SMURF1: variants seen among roughly 807,000 people sequenced by gnomAD.
SMURF1 encodes the protein E3 ubiquitin-protein ligase SMURF1.
SMURF1 carries 44 observed loss-of-function variants against 98.0 expected under a neutral mutation model. That is an observed-to-expected ratio of 0.45 (90% CI 0.35 to 0.58). SMURF1 has a LOEUF of 0.58. Ranked by LOEUF, SMURF1 falls within the 20% of genes least tolerant of loss-of-function variation. SMURF1 has a pLI of 0.00. For missense variants in SMURF1, 687 were observed against 938.4 expected (o/e 0.73, Z 3.50); for synonymous variants, 396 against 374.9 (o/e 1.06, Z -0.65).
At chr7:99,062,387 C>T (rs1004390544) in intron 1 of SMURF1, among the ~76,000 whole-genome samples, 12 of 152,052 alleles carry the variant, frequency 7.9e-5, no homozygotes, top group African/African-American at 2.9e-4. Context: ...TTACAGGTAC[C>T]GCTAATGACA....
chr7:99,049,494 A>T (rs1795686822), intron 9 of SMURF1, 69 bp downstream of exon 9: 2 of 1,483,892 alleles, frequency 1.3e-6, no homozygotes, highest in South Asian at 2.5e-5. Context: ...AATTCACAAA[A>T]ATACCAGTCC....
intron 3 of SMURF1, among the ~76,000 whole-genome samples, chr7:99,060,391 A>AG (rs1484897797): frequency 6.6e-6 from 1 of 151,716 alleles, no homozygotes; most frequent in African/African-American, 2.4e-5. Context: ...AAAAAAAAAA[A>AG]AAAAAAGAAA....
At chr7:99,056,786 C>T (rs1027552396) in intron 5 of SMURF1, among the ~76,000 whole-genome samples, 10 of 152,070 alleles carry the variant, frequency 6.6e-5, no homozygotes, top group South Asian at 2.1e-4. Flanking sequence ...GCAGATCACT[C>T]GAGGTCAGGA....
intron 1 of SMURF1, among the ~76,000 whole-genome samples, chr7:99,127,913 G>A (rs1289473931): frequency 4.6e-5 from 7 of 152,148 alleles, no homozygotes; most frequent in South Asian, 2.1e-4. Context: ...TAGGCGATAC[G>A]AAATGTACTT....
intron 13 of SMURF1, 139 bp downstream of exon 13, chr7:99,040,239 T>G: frequency 1.0e-6 from 1 of 974,426 alleles, no homozygotes; most frequent in Non-Finnish European, 1.4e-6. Flanking sequence ...ATCCCCTTTT[T>G]TTGTTTCAGG....
chr7:99,040,285 ACACACACACG>A lies in SMURF1; in HGVS notation c.1550+83_1550+92del, dbSNP rs933052477. The A allele has an allele frequency of 2.4e-6, 3 of 1,234,434 alleles. No homozygotes were observed. In the African/African-American group the frequency reaches 6.0e-5, roughly 25 times the overall value. The allele number at this position is 1,234,434 out of a possible 1,614,324, so 76.5% of individuals were successfully genotyped here. On this transcript the variant is annotated intron_variant, in intron 13 of 17. Coordinates refer to ENST00000361368, the MANE Select transcript of SMURF1 (RefSeq NM_181349.3). ...ATGGCTTCACACACATCCCCAAAAT[ACACACACACG>A]CGCGCGCGCGCGCACGCGCATACAT...
chr7:99,108,533 A>G (rs994139068), intron 1 of SMURF1, among the ~76,000 whole-genome samples: 13 of 132,372 alleles, frequency 9.8e-5, no homozygotes, highest in African/African-American at 3.3e-4. Flanking sequence ...GATCGCTTGA[A>G]CCCAGGAGGT....
chr7:99,107,519 T>A (rs1797218996), intron 1 of SMURF1, among the ~76,000 whole-genome samples: 1 of 152,202 alleles, frequency 6.6e-6, no homozygotes, highest in African/African-American at 2.4e-5. Context: ...ATTGATTCCT[T>A]AAGATCCAGA....
chr7:99,089,655 A>G (rs1305997861), intron 1 of SMURF1, among the ~76,000 whole-genome samples: 1 of 151,888 alleles, frequency 6.6e-6, no homozygotes, highest in African/African-American at 2.4e-5. Context: ...AACAAAACAA[A>G]ACAAAACAAA....
Position 99,066,784 on chromosome 7 carries a change from GAA to G in SMURF1, c.56-4949_56-4948del, listed in dbSNP as rs111395590. 8.5e-4 allele frequency among the ~76,000 whole-genome samples: 79 copies of G among 92,578 alleles called. 1 individual carries two copies. Among genetic ancestry groups the G allele is most frequent in the Non-Finnish European group, 1.2e-3 (50 of 42,588 alleles). The allele number at this position is 92,578 out of a possible 152,430, so 60.7% of individuals were successfully genotyped here. On this transcript the variant is annotated intron_variant, in intron 1 of 17. Coordinates refer to ENST00000361368, the MANE Select transcript of SMURF1 (RefSeq NM_181349.3). Reference sequence around the variant, plus strand: ...ACACAGTGAGACTCTGTCTCAAAAAGAAAAAAAAAAAAAAAGAAAAGAAGAAA... The same window carrying G: ...ACACAGTGAGACTCTGTCTCAAAAAGAAAAAAAAAAAAAGAAAAGAAGAAA...
chr7:99,049,905 C>G, intron 8 of SMURF1, 196 bp from the exon 9 acceptor site: 1 of 485,832 alleles, frequency 2.1e-6, no homozygotes, highest in Non-Finnish European at 3.5e-6. Flanking sequence ...GCAGCAACAT[C>G]CGAGAGATTT....
chr7:99,035,810 C>A, intron 15 of SMURF1, 94 bp from the exon 16 acceptor site: 2 of 1,254,920 alleles, frequency 1.6e-6, no homozygotes, highest in Middle Eastern at 2.3e-4. Context: ...AGTGAAAAGT[C>A]GATTCCCAAG....
chr7:99,075,547 C>A (rs1051417271), intron 1 of SMURF1, among the ~76,000 whole-genome samples: 1 of 151,564 alleles, frequency 6.6e-6, no homozygotes, highest in African/African-American at 2.4e-5. Flanking sequence ...CCTGTGGGGT[C>A]TTTGCTAATT....
intron 1 of SMURF1, among the ~76,000 whole-genome samples, chr7:99,116,163 T>A (rs1797444772): frequency 1.3e-5 from 2 of 152,174 alleles, no homozygotes; most frequent in African/African-American, 4.8e-5. Context: ...GCCATGTTAA[T>A]CGAATAAAGG....
At position 99,133,392 on chromosome 7, in the gene SMURF1, G is replaced by GA. The variant is rs377261377; in HGVS notation, c.55+10333dup. The stretch of plus-strand genomic sequence containing the variant: ...CTATCATTACTTCAAAATTAAAAAA[G>GA]AAAAAAAAAAGGTCTCTAAGGCTGC... On this transcript the variant is annotated intron_variant, in intron 1 of 17. Transcript: ENST00000361368. Among the ~76,000 whole-genome samples, 29 of 134,146 alleles carry GA rather than the reference G, an allele frequency of 2.2e-4. No homozygotes were observed. The East Asian group carries it at 2.4e-3, about 11-fold the overall frequency. 88.0% of individuals were successfully genotyped at this position (134,146 alleles called of 152,430 possible).
Position 99,038,499 on chromosome 7 carries a change from T to G in SMURF1, c.1577A>C (p.Asp526Ala). Residue 526 changes from aspartate (D) to alanine (A), a missense_variant, in exon 14 of 18, where the codon GAC (aspartate) becomes GCC (alanine). This residue lies in a region of SMURF1 where 272 missense variants were observed against 430.0 expected (regional missense o/e 0.63). Coordinates refer to ENST00000361368, the MANE Select transcript of SMURF1 (RefSeq NM_181349.3). Reference protein sequence around the residue: ...ILENDITPVLDHTFCVEHNAF... With the variant: ...ILENDITPVLAHTFCVEHNAF... ...GTTGTGTTCCACGCAGAAGGTGTGG[T>G]CCAGTACAGGCGTGATGTCGTTCTC... 6.2e-7 allele frequency: 1 copy of G among 1,614,222 alleles called. No homozygotes were observed. Among genetic ancestry groups the G allele is most frequent in the Non-Finnish European group, 8.5e-7 (1 of 1,180,040 alleles).
intron 1 of SMURF1, among the ~76,000 whole-genome samples, chr7:99,107,501 T>G (rs1317861800): frequency 6.6e-6 from 1 of 152,204 alleles, no homozygotes; most frequent in Non-Finnish European, 1.5e-5. Flanking sequence ...TATTTCTGAT[T>G]GGGCTTCATT....
At chr7:99,093,716 T>C (rs1267561401) in intron 1 of SMURF1, among the ~76,000 whole-genome samples, 1 of 152,112 alleles carries the variant, frequency 6.6e-6, no homozygotes, top group Non-Finnish European at 1.5e-5. Context: ...TTTAGAAAAC[T>C]TAACCTATGA....
chr7:99,134,475 A>G (rs1797941494), intron 1 of SMURF1, among the ~76,000 whole-genome samples: 1 of 152,178 alleles, frequency 6.6e-6, no homozygotes, highest in South Asian at 2.1e-4. Context: ...TATATGTAGA[A>G]ATAAAATTGA....
Sources: allele counts gnomAD v4.1 joint callset (sites outside exome capture counted in the v4.1 genomes callset), GRCh38; gene constraint gnomAD v4.1.1; regional missense constraint gnomAD v4.1.1; transcripts MANE v1.5; gene names NCBI Gene and HGNC (gene_info 2026-07-23, HGNC 2026-07-21).